PARD3: variants seen among roughly 807,000 people sequenced by gnomAD.
The protein encoded by PARD3 is partitioning defective 3 homolog.
PARD3 carries 75 observed loss-of-function variants against 155.4 expected under a neutral mutation model. That is an observed-to-expected ratio of 0.48 (90% CI 0.40 to 0.58). PARD3 has a LOEUF of 0.58. Among genes scored for constraint, PARD3 ranks in the 20% least tolerant of loss-of-function variants. The pLI is 0.00. For synonymous variants in PARD3, 576 were observed against 610.5 expected (o/e 0.94, Z 0.83); for missense variants, 1,642 against 1,721.7 (o/e 0.95, Z 0.82).
chr10:34,766,159 C>T (rs1461096093), intron 1 of PARD3, among the ~76,000 whole-genome samples: 1 of 152,184 alleles, frequency 6.6e-6, no homozygotes, highest in Non-Finnish European at 1.5e-5. Context: ...GTTGTACTTG[C>T]ATCAGAATAA....
chr10:34,681,761 TATATATA>T (rs1369413205), intron 2 of PARD3, among the ~76,000 whole-genome samples: 26 of 22,380 alleles, frequency 1.2e-3, no homozygotes, highest in African/African-American at 2.9e-3. Flanking sequence ...TATATATATA[TATATATA>T]TTTTTTTTTT....
chr10:34,393,555 G>A (rs925228251), intron 7 of PARD3, among the ~76,000 whole-genome samples: 1 of 151,118 alleles, frequency 6.6e-6, no homozygotes, highest in Non-Finnish European at 1.5e-5. Context: ...GGGCAACAGA[G>A]TGAGAAGCTA....
intron 1 of PARD3, among the ~76,000 whole-genome samples, chr10:34,718,410 AGCACTGTG>A (rs2094554301): frequency 6.6e-6 from 1 of 152,196 alleles, no homozygotes; most frequent in Non-Finnish European, 1.5e-5. Flanking sequence ...CTGTAATCCC[AGCACTGTG>A]GGAGGCCGAG....
At chr10:34,699,284 CAGG>C (rs2094230181) in intron 1 of PARD3, among the ~76,000 whole-genome samples, 1 of 152,010 alleles carries the variant, frequency 6.6e-6, no homozygotes, top group Non-Finnish European at 1.5e-5. Context: ...AAGAACTGAG[CAGG>C]AGATCAACAG....
At chr10:34,137,721 C>A (rs537679823) in intron 22 of PARD3, among the ~76,000 whole-genome samples, 10 of 152,244 alleles carry the variant, frequency 6.6e-5, no homozygotes, top group African/African-American at 2.4e-4. Context: ...TGCCCACAGT[C>A]TAAGAGACAC....
chr10:34,694,469 GCTTTT>G (rs1212187788), intron 2 of PARD3, among the ~76,000 whole-genome samples: 2 of 114,836 alleles, frequency 1.7e-5, no homozygotes, highest in Non-Finnish European at 1.7e-5. Flanking sequence ...GAAAACTTCT[GCTTTT>G]TTTTTTTTTT....
intron 2 of PARD3, among the ~76,000 whole-genome samples, chr10:34,528,097 G>A (rs2082600980): frequency 6.6e-6 from 1 of 152,070 alleles, no homozygotes; most frequent in South Asian, 2.1e-4. Flanking sequence ...AATATTGTGT[G>A]CCCATCTTTT....
chr10:34,583,403 T>G (rs912823053), intron 2 of PARD3, among the ~76,000 whole-genome samples: 1 of 152,220 alleles, frequency 6.6e-6, no homozygotes, highest in Non-Finnish European at 1.5e-5. Context: ...ATGTGCTCCC[T>G]GCTTTTATTA....
chr10:34,233,066 G>A (rs1953022550), intron 22 of PARD3, among the ~76,000 whole-genome samples: 1 of 119,194 alleles, frequency 8.4e-6, no homozygotes, highest in Admixed American at 1.1e-4. Flanking sequence ...GCCCTGAACT[G>A]AGGAAACAAT....
intron 22 of PARD3, among the ~76,000 whole-genome samples, chr10:34,251,114 C>A (rs1954279877): frequency 6.6e-6 from 1 of 152,202 alleles, no homozygotes; most frequent in African/African-American, 2.4e-5. Flanking sequence ...AGAAATTAAT[C>A]AAATGTCCAT....
chr10:34,680,504 A>C (rs982290603), intron 2 of PARD3, among the ~76,000 whole-genome samples: 5 of 151,034 alleles, frequency 3.3e-5, no homozygotes, highest in Non-Finnish European at 5.9e-5. Flanking sequence ...GGTTGCAGTG[A>C]ACCAATATCA....
At chr10:34,353,453 A>G (rs1419636884) in intron 14 of PARD3, among the ~76,000 whole-genome samples, 1 of 152,162 alleles carries the variant, frequency 6.6e-6, no homozygotes, top group Non-Finnish European at 1.5e-5. Flanking sequence ...TGCTGTGTCC[A>G]CTCAGGGTTA....
chr10:34,334,346 CAAA>C (rs34205005), intron 18 of PARD3, among the ~76,000 whole-genome samples: 2 of 95,080 alleles, frequency 2.1e-5, no homozygotes, highest in African/African-American at 4.0e-5. Flanking sequence ...TCCCTCTTGC[CAAA>C]AAAAAAAAAA....
chr10:34,502,711 G>A (rs953472385), intron 3 of PARD3, among the ~76,000 whole-genome samples: 11 of 152,246 alleles, frequency 7.2e-5, no homozygotes, highest in African/African-American at 2.4e-4. Flanking sequence ...GAGGCTCAGA[G>A]AGAGGATTAC....
Position 34,514,071 on chromosome 10 carries a change from A to G in PARD3, c.403+2908T>C, listed in dbSNP as rs138058441. On this transcript the variant is annotated intron_variant, in intron 3 of 24. Coordinates refer to ENST00000374788, the MANE Select transcript of PARD3 (RefSeq NM_001184785.2). ...AGACCTCAAGATGAGAATTCCATCTATGAAAACCATCTAGGCTTTATCTTA... is the reference window on the plus strand; with the variant it reads ...AGACCTCAAGATGAGAATTCCATCTGTGAAAACCATCTAGGCTTTATCTTA... Among the ~76,000 whole-genome samples, 17 of 152,358 alleles carry G rather than the reference A, an allele frequency of 1.1e-4. No homozygotes were observed. In the East Asian group the frequency reaches 3.3e-3, roughly 29 times the overall value.
In PARD3 at chr10:34,255,816, C is replaced by T. The variant is rs544427583; in HGVS notation, c.3419+13841G>A. Reference sequence around the variant, plus strand: ...AGAGGTGATTTATAATTATTTTACACGCCACTATTTGTAGCTTTTGAAAAT... The same window carrying T: ...AGAGGTGATTTATAATTATTTTACATGCCACTATTTGTAGCTTTTGAAAAT... On this transcript the variant is annotated intron_variant, in intron 22 of 24. Transcript: ENST00000374788. 1.6e-4 allele frequency among the ~76,000 whole-genome samples: 24 copies of T among 152,228 alleles called. No individual in the cohort carries two copies. The South Asian group carries it at 1.7e-3, about 11-fold the overall frequency.
chr10:34,766,952 CA>C (rs1838179216), intron 1 of PARD3, among the ~76,000 whole-genome samples: 3 of 152,146 alleles, frequency 2.0e-5, no homozygotes, highest in African/African-American at 7.2e-5. Context: ...GACCTAGACT[CA>C]GCGAGAAAGG....
chr10:34,240,125 A>C (rs553661583), intron 22 of PARD3, among the ~76,000 whole-genome samples: 2 of 152,348 alleles, frequency 1.3e-5, no homozygotes, highest in South Asian at 4.1e-4. Context: ...TTACAGACCA[A>C]GAAACCGAGG....
At chr10:34,610,030 A>T (rs2090764418) in intron 2 of PARD3, among the ~76,000 whole-genome samples, 1 of 152,204 alleles carries the variant, frequency 6.6e-6, no homozygotes, top group Non-Finnish European at 1.5e-5. Flanking sequence ...ACTGTTTCAA[A>T]GTTCAGAATT....
Sources: gnomAD v4.1 joint callset for allele counts (sites outside exome capture counted in the v4.1 genomes callset) on GRCh38, gnomAD v4.1.1 for gene constraint, MANE v1.5 for transcripts, NCBI Gene and HGNC (gene_info 2026-07-23, HGNC 2026-07-21) for gene names.